The following ARIH2 variants were observed in gnomAD, a reference collection of about 807,000 sequenced individuals.
ARIH2 encodes ariadne RBR E3 ubiquitin protein ligase 2.
A neutral mutation model predicts 79.8 loss-of-function variants in ARIH2; 12 were observed. The ratio of observed to expected loss-of-function variants is 0.15; its 90% confidence interval spans 0.10 to 0.24. ARIH2 has a LOEUF of 0.24. Ranked by LOEUF, ARIH2 falls within the 10% of genes least tolerant of loss-of-function variation. The pLI is 1.00. For missense variants in ARIH2, 301 were observed against 618.3 expected (o/e 0.49, Z 5.44); for synonymous variants, 224 against 213.9 (o/e 1.05, Z -0.41).
chr3:48,923,621 A>T (rs2085153676), intron 2 of ARIH2, among the ~76,000 whole-genome samples: 1 of 151,648 alleles, frequency 6.6e-6, no homozygotes, highest in Middle Eastern at 3.2e-3. Context: ...TCCGGGGTTC[A>T]ATCCATTCTC....
chr3:48,955,658 C>T (rs1341984697), intron 3 of ARIH2, among the ~76,000 whole-genome samples: 2 of 152,154 alleles, frequency 1.3e-5, no homozygotes, highest in Non-Finnish European at 2.9e-5. Context: ...AATACTAGTT[C>T]GTTCCTTAGA....
chr3:48,968,648 A>G lies in ARIH2; in HGVS notation c.653A>G (p.Tyr218Cys), dbSNP rs144088007. Reference sequence around the variant, plus strand: ...TACAGGCGCTACCTCTTCAGGGACTATGTGGAGGTATGGCCAGCCTTTGTT... The same window carrying G: ...TACAGGCGCTACCTCTTCAGGGACTGTGTGGAGGTATGGCCAGCCTTTGTT... ...EKYRRYLFRD[Y>C]VESHYQLQLC... The change falls in exon 7 of 16, where the codon TAT (tyrosine) becomes TGT (cysteine). Residue 218 changes from tyrosine (Y) to cysteine (C), a missense_variant. Tyr to Cys is a radical substitution (Grantham distance 194). This residue lies in a region of ARIH2 where 223 missense variants were observed against 349.4 expected (regional missense o/e 0.64). Transcript: ENST00000356401. The G allele has an allele frequency of 7.5e-6, 12 of 1,607,696 alleles. No homozygotes were observed. In the African/African-American group the frequency reaches 9.4e-5, roughly 13 times the overall value.
At position 48,981,743 on chromosome 3, in the gene ARIH2, T is replaced by G; in HGVS notation, c.1326+15T>G. On this transcript the variant is annotated intron_variant, in intron 14 of 15. Coordinates refer to ENST00000356401, the MANE Select transcript of ARIH2 (RefSeq NM_006321.4). ...GGAAGAAGCTGGTAAGGCAAAGCAA[T>G]TTTTCTACTCTGTCCCGTTAGCCTC... 1 of 1,606,506 alleles carries G rather than the reference T, an allele frequency of 6.2e-7. No homozygotes were observed. Among genetic ancestry groups the G allele is most frequent in the Non-Finnish European group, 8.5e-7 (1 of 1,173,366 alleles).
chr3:48,942,186 G>T (rs2088393151), intron 3 of ARIH2, among the ~76,000 whole-genome samples: 1 of 151,860 alleles, frequency 6.6e-6, no homozygotes, highest in South Asian at 2.1e-4. Flanking sequence ...AAATAGCTGG[G>T]ATTAGAGGTG....
At chr3:48,928,270 G>C (rs891243526) in intron 3 of ARIH2, among the ~76,000 whole-genome samples, 10 of 152,108 alleles carry the variant, frequency 6.6e-5, no homozygotes, top group African/African-American at 2.4e-4. Context: ...GAGCTCATTT[G>C]TTTCATGTAC....
intron 11 of ARIH2, among the ~76,000 whole-genome samples, chr3:48,976,191 C>T (rs2092486131): frequency 1.3e-5 from 2 of 148,922 alleles, no homozygotes; most frequent in Non-Finnish European, 1.5e-5. Context: ...GGATTATAGG[C>T]ATGAGCCACC....
In ARIH2 at chr3:48,986,029, G is replaced by C. The variant is rs1240001325; in HGVS notation, c.*2759G>C. 1.3e-5 allele frequency: 2 copies of C among 152,284 alleles called. No individual in the cohort carries two copies. Among genetic ancestry groups the C allele is most frequent in the Admixed American group, 6.5e-5 (1 of 15,282 alleles). The allele number at this position is 152,284 out of a possible 1,614,324, so 9.4% of individuals were successfully genotyped here. ...TCAAGGGTGAAGGACAGGAAATGAG[G>C]TTTGGATTGATTAAGGGGGTCCACA... On this transcript the variant is annotated 3_prime_UTR_variant, in exon 16 of 16. Transcript: ENST00000356401.
chr3:48,938,492 A>G (rs1209713082), intron 3 of ARIH2, among the ~76,000 whole-genome samples: 2 of 152,204 alleles, frequency 1.3e-5, no homozygotes, highest in African/African-American at 4.8e-5. Context: ...AGAAACCCAA[A>G]GGGGAGAAAC....
chr3:48,979,786 G>A (rs1323584558), intron 12 of ARIH2, 153 bp downstream of exon 12: 3 of 782,948 alleles, frequency 3.8e-6, no homozygotes, highest in Non-Finnish European at 6.0e-6. Context: ...TGCCTCTATA[G>A]ATGTGCCTTT....
At chr3:48,957,628 G>T (rs138356290) in intron 3 of ARIH2, among the ~76,000 whole-genome samples, 88 of 152,318 alleles carry the variant, frequency 5.8e-4, no homozygotes, top group African/African-American at 2.0e-3. Flanking sequence ...AAGGCTGATT[G>T]GGCCCCACTG....
intron 1 of ARIH2, among the ~76,000 whole-genome samples, chr3:48,920,212 C>A (rs1433039446): frequency 1.3e-5 from 2 of 151,908 alleles, no homozygotes; most frequent in East Asian, 3.9e-4. Context: ...AACTGCTGGG[C>A]TCAAGCTATC....
In ARIH2 at chr3:48,918,930, G is replaced by T. The variant is rs1238475758; in HGVS notation, c.-230G>T. ...CTCCGCTGCCGCTTCGCCCCAATCC[G>T]GTCCCTCTGGCCCGGCCTGACCCGG... On this transcript the variant is annotated 5_prime_UTR_variant, in exon 1 of 16. Coordinates refer to ENST00000356401, the MANE Select transcript of ARIH2 (RefSeq NM_006321.4). 1.2e-5 allele frequency: 19 copies of T among 1,589,800 alleles called. No homozygotes were observed. The highest frequency in any genetic ancestry group is 1.6e-5 in the Non-Finnish European group (19 of 1,172,792).
At chr3:48,937,062 C>G (rs1250992383) in intron 3 of ARIH2, among the ~76,000 whole-genome samples, 1 of 152,058 alleles carries the variant, frequency 6.6e-6, no homozygotes, top group Non-Finnish European at 1.5e-5. Context: ...ACAGTGATGA[C>G]CATGTTATTG....
At chr3:48,935,779 G>A (rs1409773743) in intron 3 of ARIH2, among the ~76,000 whole-genome samples, 1 of 152,126 alleles carries the variant, frequency 6.6e-6, no homozygotes, top group Non-Finnish European at 1.5e-5. Flanking sequence ...TGGAAGGATG[G>A]GAGTGTTATT....
At chr3:48,934,573 A>G in intron 3 of ARIH2, 1 of 985,412 alleles carries the variant, frequency 1.0e-6, no homozygotes, top group Non-Finnish European at 1.2e-6. Flanking sequence ...GCCTCTATCT[A>G]AGTAGAACTT....
intron 11 of ARIH2, among the ~76,000 whole-genome samples, chr3:48,976,185 T>C (rs989458244): frequency 4.6e-5 from 7 of 151,074 alleles, no homozygotes; most frequent in Non-Finnish European, 7.4e-5. Flanking sequence ...GTGCTGGGAT[T>C]ATAGGCATGA....
intron 3 of ARIH2, among the ~76,000 whole-genome samples, chr3:48,957,780 A>G (rs1224623703): frequency 6.6e-6 from 1 of 152,138 alleles, no homozygotes; most frequent in Non-Finnish European, 1.5e-5. Context: ...CAGTGGCGCG[A>G]TCTCAGCTCA....
intron 9 of ARIH2, 141 bp downstream of exon 9, chr3:48,973,957 A>G: frequency 1.7e-6 from 1 of 603,044 alleles, no homozygotes. Flanking sequence ...GGACCCTCAC[A>G]CAGAGTTGGC....
chr3:48,922,310 C>CTTTCTTT (rs2084930918), intron 1 of ARIH2: 1 of 143,624 alleles, frequency 7.0e-6, no homozygotes, highest in African/African-American at 2.5e-5. Context: ...AGATTACTTT[C>CTTTCTTT]TTTTTTTTTT....
Sources: allele counts gnomAD v4.1 joint callset (sites outside exome capture counted in the v4.1 genomes callset), GRCh38; gene constraint gnomAD v4.1.1; regional missense constraint gnomAD v4.1.1; transcripts MANE v1.5; gene names NCBI Gene and HGNC (gene_info 2026-07-23, HGNC 2026-07-21).